ANK3: variants seen among roughly 807,000 people sequenced by gnomAD.
ANK3 encodes the protein ankyrin 3.
A neutral mutation model predicts 370.9 loss-of-function variants in ANK3; 57 were observed. That is an observed-to-expected ratio of 0.15 (90% CI 0.12 to 0.19). ANK3 has a LOEUF of 0.19. Among genes scored for constraint, ANK3 ranks in the 10% least tolerant of loss-of-function variants. The probability of loss-of-function intolerance (pLI) is 1.00; values close to 1 mark genes in which losing one functional copy is unlikely to be tolerated. For missense variants in ANK3, 4,439 were observed against 5,302.1 expected, an observed-to-expected ratio of 0.84 and a Z score of 5.06; for synonymous variants, 1,929 against 1,946.3, an observed-to-expected ratio of 0.99 and a Z score of 0.23.
At chr10:60,511,781 G>A (rs1376675714) in intron 2 of ANK3, among the ~76,000 whole-genome samples, 2 of 147,284 alleles carry the variant, frequency 1.4e-5, no homozygotes, top group South Asian at 2.2e-4. Flanking sequence ...AGGACAATGG[G>A]GAAAGGCATT....
chr10:60,236,255 G>C (rs1411899151), intron 7 of ANK3, among the ~76,000 whole-genome samples: 1 of 149,890 alleles, frequency 6.7e-6, no homozygotes, highest in Non-Finnish European at 1.5e-5. Context: ...TAACAGATGA[G>C]GACATCTCAA....
chr10:60,572,866 G>C, intron 2 of ANK3: 1 of 1,050,914 alleles, frequency 9.5e-7, no homozygotes, highest in Non-Finnish European at 1.1e-6. Flanking sequence ...TTCCTCCACA[G>C]TGATTTGAGC....
At chr10:60,090,048 C>T (rs1019215589) in intron 28 of ANK3, among the ~76,000 whole-genome samples, 7 of 152,012 alleles carry the variant, frequency 4.6e-5, no homozygotes, top group African/African-American at 1.7e-4. Context: ...TCTGGCCAGG[C>T]GTGGTGGCTC....
chr10:60,386,270 T>C (rs997021199), intron 1 of ANK3, among the ~76,000 whole-genome samples: 3 of 151,926 alleles, frequency 2.0e-5, no homozygotes, highest in Admixed American at 6.6e-5. Context: ...GAAAAAGATA[T>C]GGCAGGGAAG....
chr10:60,211,892 CAAAA>C (rs72238553), intron 9 of ANK3, among the ~76,000 whole-genome samples: 270 of 93,368 alleles, frequency 2.9e-3, no homozygotes, highest in African/African-American at 0.012. Flanking sequence ...AATACAGAGC[CAAAA>C]AAAAAAAAAA....
At chr10:60,629,125 TC>T (rs2078449114) in intron 1 of ANK3, among the ~76,000 whole-genome samples, 1 of 152,136 alleles carries the variant, frequency 6.6e-6, no homozygotes, top group Non-Finnish European at 1.5e-5. Context: ...CTCTTCCTCT[TC>T]TTTATCTTCT....
intron 2 of ANK3, among the ~76,000 whole-genome samples, chr10:60,602,390 C>T (rs150127384): frequency 6.6e-6 from 1 of 152,104 alleles, no homozygotes; most frequent in Non-Finnish European, 1.5e-5. Flanking sequence ...CTATTGATAA[C>T]TAGGCCACAT....
At chr10:60,192,455 C>T (rs910015280) in intron 16 of ANK3, among the ~76,000 whole-genome samples, 8 of 150,838 alleles carry the variant, frequency 5.3e-5, no homozygotes, top group South Asian at 2.1e-4. Context: ...AATTTATGTG[C>T]GTGTATACAT....
chr10:60,561,047 A>G (rs1003309510), intron 2 of ANK3, among the ~76,000 whole-genome samples: 2 of 152,236 alleles, frequency 1.3e-5, no homozygotes, highest in African/African-American at 4.8e-5. Flanking sequence ...CACTGTATGT[A>G]AAAACTAAAT....
intron 1 of ANK3, among the ~76,000 whole-genome samples, chr10:60,342,664 G>T (rs116054068): frequency 0.013 from 2,035 of 152,184 alleles, 43 homozygotes; most frequent in African/African-American, 0.044. Context: ...AGTGAGCAGT[G>T]GTTCACTAAG....
intron 2 of ANK3, among the ~76,000 whole-genome samples, chr10:60,401,254 T>C (rs182387608): frequency 1.8e-4 from 27 of 152,238 alleles, no homozygotes; most frequent in Admixed American, 7.2e-4. Flanking sequence ...TACTAATCAA[T>C]GGGCATAAAA....
rs555720867 is a variant in ANK3 at position 60,260,469 on chromosome 10, G to A, written c.798+1390C>T. On this transcript the variant is annotated intron_variant, in intron 7 of 43. Transcript: ENST00000280772. ...GTTTCATTTCTCTTCTAAGAAGTGA[G>A]GGTTCAGCAAAAAATAAGACTTCAA... Among the ~76,000 whole-genome samples, 8 of 152,212 alleles carry A rather than the reference G, an allele frequency of 5.3e-5. No individual in the cohort carries two copies. In the East Asian group the frequency reaches 1.4e-3, roughly 26 times the overall value.
intron 25 of ANK3, among the ~76,000 whole-genome samples, chr10:60,118,559 C>T (rs890457401): frequency 7.1e-6 from 1 of 140,778 alleles, no homozygotes; most frequent in African/African-American, 2.4e-5. Context: ...TCAGTCTGGC[C>T]TCATTTAACA....
intron 2 of ANK3, among the ~76,000 whole-genome samples, chr10:60,600,715 G>A (rs1174956910): frequency 6.6e-6 from 1 of 152,094 alleles, no homozygotes; most frequent in Non-Finnish European, 1.5e-5. Flanking sequence ...GCATACTGAA[G>A]TTTTAAGTTA....
intron 1 of ANK3, among the ~76,000 whole-genome samples, chr10:60,319,536 C>T (rs186884090): frequency 1.0e-3 from 159 of 152,258 alleles, no homozygotes; most frequent in African/African-American, 3.5e-3. Flanking sequence ...CCAATATTTA[C>T]TATTTAAGCA....
intron 40 of ANK3, chr10:60,062,894 G>A (rs914719303): frequency 3.0e-5 from 11 of 370,000 alleles, no homozygotes; most frequent in South Asian, 1.7e-4. Context: ...GCGTTCATAC[G>A]TCATGATTTA....
chr10:60,678,077 A>G (rs1470630815), intron 1 of ANK3, among the ~76,000 whole-genome samples: 2 of 152,214 alleles, frequency 1.3e-5, no homozygotes, highest in Admixed American at 1.3e-4. Flanking sequence ...TAAAACACAG[A>G]CTGAGAACAA....
intron 2 of ANK3, among the ~76,000 whole-genome samples, chr10:60,428,530 G>A (rs1004854156): frequency 3.3e-5 from 5 of 152,122 alleles, no homozygotes; most frequent in African/African-American, 4.8e-5. Context: ...CCATGACATC[G>A]TTCCCAGAGG....
chr10:60,114,673 C>G (rs2092959083), intron 25 of ANK3, among the ~76,000 whole-genome samples: 1 of 151,976 alleles, frequency 6.6e-6, no homozygotes. Context: ...AATTTTTTTT[C>G]CCAATTCTCA....
Sources: gnomAD v4.1 joint callset for allele counts (sites outside exome capture counted in the v4.1 genomes callset) on GRCh38, gnomAD v4.1.1 for gene constraint, MANE v1.5 for transcripts, NCBI Gene and HGNC (gene_info 2026-07-23, HGNC 2026-07-21) for gene names.